The following TTC8 variants were observed in gnomAD, a reference collection of about 807,000 sequenced individuals.
TTC8 encodes tetratricopeptide repeat domain 8.
A neutral mutation model predicts 72.5 loss-of-function variants in TTC8; 47 were observed. The observed-to-expected ratio is 0.65, with a 90% CI of 0.51 to 0.83. The LOEUF (loss-of-function observed/expected upper bound fraction) is 0.83. Ranked by LOEUF, TTC8 falls within the 40% of genes least tolerant of loss-of-function variation. The pLI, the probability that TTC8 is intolerant of heterozygous loss-of-function variation, is 0.00. For synonymous variants in TTC8, 199 were observed against 221.4 expected (o/e 0.90, Z 0.90); for missense variants, 611 against 623.2 (o/e 0.98, Z 0.21).
At chr14:88,830,423 G>A (rs1191676693) in intron 1 of TTC8, among the ~76,000 whole-genome samples, 1 of 152,178 alleles carries the variant, frequency 6.6e-6, no homozygotes, top group Non-Finnish European at 1.5e-5. Flanking sequence ...TTCTGAAAGG[G>A]GGAGTAATAG....
intron 7 of TTC8, among the ~76,000 whole-genome samples, chr14:88,844,752 A>G (rs1288960299): frequency 6.7e-6 from 1 of 150,216 alleles, no homozygotes; most frequent in Non-Finnish European, 1.5e-5. Context: ...TGCTCTCCCT[A>G]TGTTTCCCAG....
chr14:88,847,764 C>A (rs2094814193), intron 7 of TTC8, among the ~76,000 whole-genome samples: 1 of 151,640 alleles, frequency 6.6e-6, no homozygotes, highest in Non-Finnish European at 1.5e-5. Context: ...AGTAAAAGGG[C>A]AATAGAAGGG....
chr14:88,869,910 A>G, intron 10 of TTC8, 149 bp from the exon 11 acceptor site: 1 of 764,452 alleles, frequency 1.3e-6, no homozygotes, highest in South Asian at 1.7e-5. Flanking sequence ...TTTTGTTCAT[A>G]TTGTATCCCC....
At chr14:88,874,095 T>C (rs1307385475) in intron 13 of TTC8, among the ~76,000 whole-genome samples, 1 of 152,216 alleles carries the variant, frequency 6.6e-6, no homozygotes, top group Non-Finnish European at 1.5e-5. Flanking sequence ...ATTTTTGTGA[T>C]TTTTCTCTGT....
At chr14:88,831,615 C>T (rs1383143506) in intron 1 of TTC8, among the ~76,000 whole-genome samples, 1 of 152,168 alleles carries the variant, frequency 6.6e-6, no homozygotes, top group African/African-American at 2.4e-5. Flanking sequence ...ATACCTATAA[C>T]TCAGAGGGTG....
At chr14:88,839,642 T>A in intron 3 of TTC8, 70 bp downstream of exon 3, 1 of 1,511,462 alleles carries the variant, frequency 6.6e-7, no homozygotes, top group East Asian at 2.3e-5. Flanking sequence ...ATAAGAGGAA[T>A]ATATATGCCT....
At chr14:88,846,764 C>A in intron 7 of TTC8, 3 of 675,838 alleles carry the variant, frequency 4.4e-6, no homozygotes, top group South Asian at 2.5e-5. Context: ...ATGTTAGTAT[C>A]ATAGTTCTTC....
At chr14:88,843,957 A>G in intron 7 of TTC8, 107 bp downstream of exon 7, 1 of 845,948 alleles carries the variant, frequency 1.2e-6, no homozygotes, top group South Asian at 1.6e-5. Flanking sequence ...TGAAATTATT[A>G]AAGATTGGAG....
At chr14:88,837,009 C>T (rs571623588) in intron 2 of TTC8, 39 of 257,186 alleles carry the variant, frequency 1.5e-4, no homozygotes, top group African/African-American at 8.0e-4. Context: ...TGCAGCAAGC[C>T]GAGATCACGC....
chr14:88,864,515 G>T (rs919032845), intron 10 of TTC8, among the ~76,000 whole-genome samples: 1 of 152,174 alleles, frequency 6.6e-6, no homozygotes, highest in African/African-American at 2.4e-5. Flanking sequence ...CTGGTGGGAA[G>T]AATTCCTTCC....
In TTC8 at chr14:88,834,117, A is replaced by G. The variant is rs1026898827; in HGVS notation, c.144+395A>G. ...ATGGCATGTCTTGAGTCAAGAGTGGACTGTGCTTGGGAAGGTCTTGGTTTT... is the reference window on the plus strand; with the variant it reads ...ATGGCATGTCTTGAGTCAAGAGTGGGCTGTGCTTGGGAAGGTCTTGGTTTT... On this transcript the variant is annotated intron_variant, in intron 2 of 14. Transcript: ENST00000380656. The G allele has an allele frequency of 1.5e-5, 4 of 258,248 alleles. No homozygotes were observed. The East Asian group carries it at 3.9e-4, about 25-fold the overall frequency. 16.0% of individuals were successfully genotyped at this position (258,248 alleles called of 1,614,324 possible).
At chr14:88,854,849 T>C (rs550891771) in intron 8 of TTC8, among the ~76,000 whole-genome samples, 47 of 152,228 alleles carry the variant, frequency 3.1e-4, no homozygotes, top group Non-Finnish European at 5.3e-4. Flanking sequence ...CCGGCTAATT[T>C]TTTAAAGCTT....
Position 88,877,456 on chromosome 14 carries a change from G to A in TTC8, c.*46G>A. The A allele has an allele frequency of 1.4e-6, 2 of 1,472,866 alleles. No homozygotes were observed. Among genetic ancestry groups the A allele is most frequent in the Non-Finnish European group, 1.9e-6 (2 of 1,051,774 alleles). The allele number at this position is 1,472,866 out of a possible 1,614,324, so 91.2% of individuals were successfully genotyped here. A position where few individuals can be genotyped will look rare whatever the true frequency, so the allele number is the denominator to read the frequency against. On this transcript the variant is annotated 3_prime_UTR_variant, in exon 15 of 15. Transcript: ENST00000380656. ...GTTCTTATGAAGCAGCATTATGCAA[G>A]GGGAAAAAAGCACTATGTCTGTGTA...
chr14:88,862,540 CCATATATATATATAT>C (rs2094890784), intron 10 of TTC8, among the ~76,000 whole-genome samples: 1 of 41,158 alleles, frequency 2.4e-5, no homozygotes, highest in Non-Finnish European at 4.7e-5. Flanking sequence ...CTCTCTCTCT[CCATATATATATATAT>C]ATATATATAT....
chr14:88,857,235 G>A lies in TTC8; in HGVS notation c.756G>A (p.Leu252=). Residue 252 remains leucine (L), a synonymous_variant, in exon 9 of 15, where the codon CTG becomes CTA. Coordinates refer to ENST00000380656, the MANE Select transcript of TTC8 (RefSeq NM_144596.4). ...REAEKQFKSA[L]KQQEMVDTFL... is the part of the protein sequence containing the mutation. ...CAGAAAAACAGTTTAAATCAGCCCTGAAGCAGCAGGAAATGGTAGATACAT... is the reference window on the plus strand; with the variant it reads ...CAGAAAAACAGTTTAAATCAGCCCTAAAGCAGCAGGAAATGGTAGATACAT... 6.2e-7 allele frequency: 1 copy of A among 1,613,906 alleles called. No homozygotes were observed. The highest frequency in any genetic ancestry group is 2.2e-5 in the East Asian group (1 of 44,840).
chr14:88,872,416 G>A lies in TTC8; in HGVS notation c.1311G>A (p.Leu437=). 1 of 1,614,016 alleles carries A rather than the reference G, an allele frequency of 6.2e-7. No homozygotes were observed. The highest frequency in any genetic ancestry group is 8.5e-7 in the Non-Finnish European group (1 of 1,179,942). Residue 437 remains leucine, a synonymous_variant, in exon 13 of 15, where the codon CTG becomes CTA. Transcript: ENST00000380656. The part of the protein sequence containing the change: ...NNNHAEAYNN[L]AVLEMRKGHV... The stretch of plus-strand genomic sequence containing the variant: ...ACCACGCCGAGGCCTACAACAACCT[G>A]GCTGTGCTGGAGATGCGGAAGGGCC...
In TTC8 at chr14:88,833,686, T is replaced by C; in HGVS notation, c.115-7T>C. The C allele has an allele frequency of 1.9e-6, 3 of 1,613,548 alleles. No homozygotes were observed. The highest frequency in any genetic ancestry group is 2.5e-6 in the Non-Finnish European group (3 of 1,179,598). ...AAACTGTTTACTGCCTTCTTAATGC[T>C]TTCCAGGAACCAGATCCTGAATTGC... On this transcript the variant is annotated splice_polypyrimidine_tract_variant and splice_region_variant and intron_variant, in intron 1 of 14. Coordinates refer to ENST00000380656, the MANE Select transcript of TTC8 (RefSeq NM_144596.4).
At chr14:88,855,159 T>G (rs1041539455) in intron 8 of TTC8, among the ~76,000 whole-genome samples, 2 of 152,192 alleles carry the variant, frequency 1.3e-5, no homozygotes, top group African/African-American at 4.8e-5. Context: ...TCCCTGAACC[T>G]CCTCTGTGCT....
intron 2 of TTC8, among the ~76,000 whole-genome samples, chr14:88,838,127 A>G (rs2094761719): frequency 6.6e-6 from 1 of 152,194 alleles, no homozygotes; most frequent in Non-Finnish European, 1.5e-5. Flanking sequence ...GCATGATGTT[A>G]TTCTTTTTTT....
Sources: gnomAD v4.1 joint callset for allele counts (sites outside exome capture counted in the v4.1 genomes callset) on GRCh38, gnomAD v4.1.1 for gene constraint, MANE v1.5 for transcripts, NCBI Gene and HGNC (gene_info 2026-07-23, HGNC 2026-07-21) for gene names.